GRID2: variants seen among roughly 807,000 people sequenced by gnomAD.
The protein encoded by GRID2 is glutamate receptor ionotropic, delta-2.
GRID2 carries 33 observed loss-of-function variants against 114.8 expected under a neutral mutation model. That is an observed-to-expected ratio of 0.29 (90% CI 0.22 to 0.38). The LOEUF is 0.38. GRID2 is among the 10% of genes least tolerant of loss of function. The pLI is 1.00. For missense variants in GRID2, 1,184 were observed against 1,257.7 expected (o/e 0.94, Z 0.89); for synonymous variants, 505 against 449.9 (o/e 1.12, Z -1.55).
chr4:92,756,458 TGTA>T (rs1737724877), intron 2 of GRID2, among the ~76,000 whole-genome samples: 1 of 152,174 alleles, frequency 6.6e-6, no homozygotes, highest in African/African-American at 2.4e-5. Flanking sequence ...AAGATAAATA[TGTA>T]GTAGTGAGAT....
At chr4:93,015,077 CAG>C (rs1722546228) in intron 2 of GRID2, among the ~76,000 whole-genome samples, 1 of 152,116 alleles carries the variant, frequency 6.6e-6, no homozygotes, top group Non-Finnish European at 1.5e-5. Flanking sequence ...AGGTTCTTAA[CAG>C]AGAGGCTTCA....
intron 14 of GRID2, among the ~76,000 whole-genome samples, chr4:93,743,346 G>A (rs773133876): frequency 6.6e-6 from 1 of 152,200 alleles, no homozygotes; most frequent in Non-Finnish European, 1.5e-5. Flanking sequence ...GCTACAGCAA[G>A]TTCTCTAGAA....
intron 1 of GRID2, among the ~76,000 whole-genome samples, chr4:92,384,475 T>TATAC (rs1225066026): frequency 1.8e-5 from 1 of 55,308 alleles, no homozygotes; most frequent in Non-Finnish European, 3.1e-5. Flanking sequence ...TATATATATA[T>TATAC]ATATTATTTA....
At chr4:93,529,754 A>G (rs1217533606) in intron 13 of GRID2, among the ~76,000 whole-genome samples, 1 of 152,116 alleles carries the variant, frequency 6.6e-6, no homozygotes, top group Non-Finnish European at 1.5e-5. Flanking sequence ...CAATTGATTG[A>G]AAAGTAGAGG....
At chr4:92,619,692 C>G (rs562271841) in intron 2 of GRID2, among the ~76,000 whole-genome samples, 1 of 151,692 alleles carries the variant, frequency 6.6e-6, no homozygotes, top group Non-Finnish European at 1.5e-5. Context: ...TAAAATGACA[C>G]AGACACACTC....
At chr4:92,890,802 A>G (rs1001706707) in intron 2 of GRID2, among the ~76,000 whole-genome samples, 1 of 152,216 alleles carries the variant, frequency 6.6e-6, no homozygotes. Flanking sequence ...TACTATAAAG[A>G]CACATGCACA....
chr4:92,330,030 A>G (rs1333760237), intron 1 of GRID2, among the ~76,000 whole-genome samples: 1 of 151,656 alleles, frequency 6.6e-6, no homozygotes, highest in Non-Finnish European at 1.5e-5. Context: ...AGAGAGAAAC[A>G]TGCTAGACAT....
chr4:93,532,759 T>C (rs1156946904), intron 13 of GRID2, among the ~76,000 whole-genome samples: 1 of 152,190 alleles, frequency 6.6e-6, no homozygotes, highest in Non-Finnish European at 1.5e-5. Flanking sequence ...CAAATTTCCT[T>C]TCTGCTTTAG....
At chr4:93,749,702 C>T (rs1443654695) in intron 14 of GRID2, among the ~76,000 whole-genome samples, 1 of 152,208 alleles carries the variant, frequency 6.6e-6, no homozygotes, top group East Asian at 1.9e-4. Context: ...TCTTTGACCA[C>T]TTTTGCCAAA....
At chr4:92,902,508 T>G (rs1747649791) in intron 2 of GRID2, among the ~76,000 whole-genome samples, 1 of 152,104 alleles carries the variant, frequency 6.6e-6, no homozygotes, top group African/African-American at 2.4e-5. Flanking sequence ...TAAGTTCCAT[T>G]TGTCTTGTTT....
intron 13 of GRID2, among the ~76,000 whole-genome samples, chr4:93,615,079 A>T (rs956336675): frequency 6.6e-6 from 1 of 152,190 alleles, no homozygotes; most frequent in African/African-American, 2.4e-5. Context: ...TGTCATTCCA[A>T]TGTGATGACA....
At chr4:92,735,299 C>T (rs568468984) in intron 2 of GRID2, among the ~76,000 whole-genome samples, 1 of 152,128 alleles carries the variant, frequency 6.6e-6, no homozygotes, top group South Asian at 2.1e-4. Context: ...TTATATTTTT[C>T]TTATACATAG....
chr4:92,357,882 C>T (rs1423484818), intron 1 of GRID2, among the ~76,000 whole-genome samples: 1 of 151,782 alleles, frequency 6.6e-6, no homozygotes, highest in Non-Finnish European at 1.5e-5. Flanking sequence ...GGGCTGATCA[C>T]AAATAACATG....
At chr4:92,442,435 T>A (rs59100028) in intron 1 of GRID2, among the ~76,000 whole-genome samples, 1 of 151,480 alleles carries the variant, frequency 6.6e-6, no homozygotes, top group Non-Finnish European at 1.5e-5. Flanking sequence ...GCAAGCTCCT[T>A]GGGGAGGAGG....
chr4:93,336,035 A>T (rs924032170), intron 8 of GRID2, among the ~76,000 whole-genome samples: 7 of 152,208 alleles, frequency 4.6e-5, no homozygotes, highest in African/African-American at 1.7e-4. Flanking sequence ...TCAAAAATAT[A>T]GACAATTACA....
chr4:93,171,678 C>T (rs934338040), intron 4 of GRID2, among the ~76,000 whole-genome samples: 7 of 152,046 alleles, frequency 4.6e-5, no homozygotes, highest in South Asian at 2.1e-4. Context: ...AGGAGGTTTA[C>T]GAAGAAAAGG....
At chr4:93,364,989 T>G (rs1457922020) in intron 8 of GRID2, among the ~76,000 whole-genome samples, 1 of 152,188 alleles carries the variant, frequency 6.6e-6, no homozygotes, top group Admixed American at 6.6e-5. Context: ...TTTGTCTTTA[T>G]TCTTTTTTGT....
intron 8 of GRID2, among the ~76,000 whole-genome samples, chr4:93,267,892 G>T (rs1751028319): frequency 1.3e-5 from 2 of 152,148 alleles, no homozygotes. Context: ...CCAGGTGTGA[G>T]ATCCTTCCTA....
chr4:93,494,685 G>T (rs995320333), intron 12 of GRID2, among the ~76,000 whole-genome samples: 5 of 151,542 alleles, frequency 3.3e-5, no homozygotes, highest in Non-Finnish European at 7.4e-5. Context: ...GTATGACACA[G>T]TTCAGTTCTT....
Sources: allele counts gnomAD v4.1 joint callset (sites outside exome capture counted in the v4.1 genomes callset), GRCh38; gene constraint gnomAD v4.1.1; transcripts MANE v1.5; gene names NCBI Gene and HGNC (gene_info 2026-07-23, HGNC 2026-07-21).